The following OSTM1 variants were observed in gnomAD, a reference collection of about 807,000 sequenced individuals.
OSTM1 encodes the protein osteopetrosis-associated transmembrane protein 1.
Under a neutral mutation model 35.4 loss-of-function variants are expected in OSTM1, and 26 were observed. The ratio of observed to expected loss-of-function variants is 0.73; its 90% CI spans 0.54 to 1.02. The LOEUF is 1.02. Ranked by LOEUF, OSTM1 falls within the 50% of genes least tolerant of loss-of-function variation. OSTM1 has a pLI of 0.00. For synonymous variants in OSTM1, 181 were observed against 165.0 expected (o/e 1.10, Z -0.75); for missense variants, 366 against 409.6 (o/e 0.89, Z 0.92).
At position 108,074,187 on chromosome 6, in the gene OSTM1, A is replaced by T; in HGVS notation, c.402+63T>A. 5 of 1,543,262 alleles carry T rather than the reference A, an allele frequency of 3.2e-6. No individual in the cohort carries two copies. In the South Asian group the frequency reaches 4.6e-5, roughly 14 times the overall value. On this transcript the variant is annotated intron_variant, in intron 1 of 5. Transcript: ENST00000193322. ...ACTGAGGCCCCCAGCGCTGACCATC[A>T]TTACACCCTCCTCCTTTCCCAACTC... is the stretch of plus-strand genomic sequence containing the variant.
intron 1 of OSTM1, among the ~76,000 whole-genome samples, chr6:108,066,758 A>C (rs1482067524): frequency 6.6e-6 from 1 of 152,178 alleles, no homozygotes; most frequent in African/African-American, 2.4e-5. Flanking sequence ...CTAAAGAGCA[A>C]TGTGGGACCC....
chr6:108,065,387 A>G (rs2027878), intron 1 of OSTM1, among the ~76,000 whole-genome samples: 48,895 of 151,182 alleles, frequency 0.32, 8,353 homozygotes, highest in Admixed American at 0.47. Flanking sequence ...CTACAGGCAC[A>G]TGCCACCATG....
At chr6:108,054,802 T>C (rs1462316583) in intron 2 of OSTM1, among the ~76,000 whole-genome samples, 1 of 152,176 alleles carries the variant, frequency 6.6e-6, no homozygotes, top group Non-Finnish European at 1.5e-5. Flanking sequence ...AATCACATAC[T>C]CTCTTTTCAT....
At chr6:108,068,605 C>T (rs1288405900) in intron 1 of OSTM1, among the ~76,000 whole-genome samples, 1 of 152,014 alleles carries the variant, frequency 6.6e-6, no homozygotes, top group African/African-American at 2.4e-5. Flanking sequence ...TGAAATCCAC[C>T]CATTTCTCCA....
intron 1 of OSTM1, among the ~76,000 whole-genome samples, chr6:108,073,241 G>A (rs906238863): frequency 2.0e-5 from 3 of 152,178 alleles, no homozygotes; most frequent in Non-Finnish European, 4.4e-5. Flanking sequence ...ACATTTTCAT[G>A]AGACTACTTG....
intron 5 of OSTM1, among the ~76,000 whole-genome samples, chr6:108,045,511 A>C (rs965110765): frequency 6.6e-6 from 1 of 151,850 alleles, no homozygotes; most frequent in Non-Finnish European, 1.5e-5. Context: ...AAAAAAAAAA[A>C]CAAAAACATT....
chr6:108,042,106 T>G lies in OSTM1; in HGVS notation c.*2679A>C, dbSNP rs1402583950. 6.6e-6 allele frequency: 1 copy of G among 151,658 alleles called. No individual in the cohort carries two copies. The highest frequency in any genetic ancestry group is 2.4e-5 in the African/African-American group (1 of 41,282). The allele number at this position is 151,658 out of a possible 1,614,324, so 9.4% of individuals were successfully genotyped here. ...AATACTAGTCCCAATATAAGTAACA[T>G]TTACCAACTAGACTCTGGGCTACAC... is the stretch of plus-strand genomic sequence containing the variant. On this transcript the variant is annotated 3_prime_UTR_variant, in exon 6 of 6. Transcript: ENST00000193322.
intron 2 of OSTM1, among the ~76,000 whole-genome samples, chr6:108,056,680 C>T (rs1193464055): frequency 6.6e-6 from 1 of 152,184 alleles, no homozygotes; most frequent in Non-Finnish European, 1.5e-5. Context: ...GCCCCATTCA[C>T]CTCCTTGTAC....
In OSTM1 at chr6:108,051,049, G is replaced by T; in HGVS notation, c.765C>A (p.Cys255Ter). 2 of 1,613,184 alleles carry T rather than the reference G, an allele frequency of 1.2e-6. No homozygotes were observed. The highest frequency in any genetic ancestry group is 1.7e-6 in the Non-Finnish European group (2 of 1,179,394). The change falls in exon 4 of 6, where the codon TGC becomes TGA. Residue 255 changes from cysteine (C) to a stop codon, truncating the protein, a stop_gained. Transcript: ENST00000193322. LOFTEE classifies it high-confidence loss of function. ...TACTTACTGCATCTTCCACATCAAT[G>T]CATAAATGTGTTCCAGGTTCAGCCT... is the stretch of plus-strand genomic sequence containing the variant. The part of the protein sequence containing the change: ...ENKAEPGTHL[C>*]IDVEDAMNIT...
chr6:108,057,029 G>A (rs912035242), intron 2 of OSTM1, among the ~76,000 whole-genome samples: 1 of 152,146 alleles, frequency 6.6e-6, no homozygotes, highest in African/African-American at 2.4e-5. Flanking sequence ...AGGAGTTCGA[G>A]ACCAGCCTGG....
intron 2 of OSTM1, among the ~76,000 whole-genome samples, chr6:108,058,800 T>G (rs1478073878): frequency 1.3e-5 from 2 of 152,136 alleles, no homozygotes; most frequent in African/African-American, 4.8e-5. Context: ...ATGTTTTGGT[T>G]AATTGACCTT....
At chr6:108,069,755 A>C (rs1381592220) in intron 1 of OSTM1, among the ~76,000 whole-genome samples, 1 of 152,234 alleles carries the variant, frequency 6.6e-6, no homozygotes, top group Non-Finnish European at 1.5e-5. Flanking sequence ...TTTCACCTTG[A>C]GATAATGAAA....
chr6:108,053,428 C>A (rs1039480295), intron 3 of OSTM1, among the ~76,000 whole-genome samples: 1 of 152,188 alleles, frequency 6.6e-6, no homozygotes, highest in African/African-American at 2.4e-5. Context: ...CATTTCCCAA[C>A]CTTAATGGAA....
chr6:108,058,400 T>C (rs1772204010), intron 2 of OSTM1, among the ~76,000 whole-genome samples: 1 of 152,128 alleles, frequency 6.6e-6, no homozygotes, highest in African/African-American at 2.4e-5. Flanking sequence ...CTAATTAAGT[T>C]TAACAAATAT....
chr6:108,060,257 G>GT (rs2114602476), intron 2 of OSTM1, among the ~76,000 whole-genome samples: 1 of 152,266 alleles, frequency 6.6e-6, no homozygotes, highest in East Asian at 1.9e-4. Flanking sequence ...GAAGTTCAAT[G>GT]TAAGGAATAT....
At chr6:108,052,028 C>A (rs944064427) in intron 3 of OSTM1, among the ~76,000 whole-genome samples, 1 of 152,096 alleles carries the variant, frequency 6.6e-6, no homozygotes, top group Non-Finnish European at 1.5e-5. Context: ...GATGTTGGCC[C>A]AACAATGTTA....
chr6:108,053,544 T>C (rs1005433563), intron 3 of OSTM1, among the ~76,000 whole-genome samples: 1 of 152,226 alleles, frequency 6.6e-6, no homozygotes, highest in Non-Finnish European at 1.5e-5. Context: ...AGAGTCTCTC[T>C]GCAACGCCCA....
At chr6:108,064,814 A>G (rs1562375208) in intron 1 of OSTM1, among the ~76,000 whole-genome samples, 1 of 152,240 alleles carries the variant, frequency 6.6e-6, no homozygotes, top group Non-Finnish European at 1.5e-5. Context: ...TCGCAGTTAC[A>G]CAGACAAGGA....
intron 1 of OSTM1, among the ~76,000 whole-genome samples, chr6:108,067,200 T>G (rs1362796917): frequency 1.3e-5 from 2 of 152,106 alleles, no homozygotes; most frequent in Non-Finnish European, 2.9e-5. Context: ...CTCTTTACTC[T>G]CAAAAGAAGA....
Sources: gnomAD v4.1 joint callset for allele counts (sites outside exome capture counted in the v4.1 genomes callset) on GRCh38, gnomAD v4.1.1 for gene constraint, MANE v1.5 for transcripts, NCBI Gene and HGNC (gene_info 2026-07-23, HGNC 2026-07-21) for gene names.